Variants in TNKS observed in about 807,000 individuals in gnomAD.
The protein encoded by TNKS is tankyrase, also known as poly [ADP-ribose] polymerase tankyrase-1.
A neutral mutation model predicts 135.8 loss-of-function variants in TNKS; 72 were observed. The observed-to-expected ratio is 0.53, with a 90% confidence interval of 0.44 to 0.64. TNKS has a LOEUF of 0.64. Among genes scored for constraint, TNKS ranks in the 30% least tolerant of loss-of-function variants. The pLI, the probability that TNKS is intolerant of heterozygous loss-of-function variation, is 0.00. For synonymous variants in TNKS, 849 were observed against 649.3 expected (o/e 1.31, Z -4.68); for missense variants, 1,769 against 1,674.0 (o/e 1.06, Z -0.99).
At chr8:9,726,320 G>C (rs1014243576) in intron 12 of TNKS, among the ~76,000 whole-genome samples, 7 of 152,150 alleles carry the variant, frequency 4.6e-5, no homozygotes, top group African/African-American at 1.4e-4. Flanking sequence ...ATCCTGGAAG[G>C]TTGAGGCTAC....
intron 3 of TNKS, among the ~76,000 whole-genome samples, chr8:9,659,109 G>T (rs545422493): frequency 6.6e-6 from 1 of 152,250 alleles, no homozygotes; most frequent in African/African-American, 2.4e-5. Context: ...AGTACAAAGA[G>T]ACATAGACTC....
rs766449019 is a variant in TNKS at position 9,763,193 on chromosome 8, T to C, written c.3321T>C (p.Ile1107=). 2 of 1,607,914 alleles carry C rather than the reference T, an allele frequency of 1.2e-6. No homozygotes were observed. Among genetic ancestry groups the C allele is most frequent in the South Asian group, 2.2e-5 (2 of 89,820 alleles). ...TTCACTGTGTTAATCAGGGAACGAT[T>C]TTGCTGGATCTTGCTCCAGAAGATA... ...LTFHCVNQGT[I]LLDLAPEDKE... The change falls in exon 22 of 27, where the codon ATT becomes ATC. Residue 1107 remains isoleucine, a synonymous_variant. Transcript: ENST00000310430.
chr8:9,749,297 C>T (rs1329956552), intron 18 of TNKS, among the ~76,000 whole-genome samples: 1 of 152,132 alleles, frequency 6.6e-6, no homozygotes, highest in Admixed American at 6.6e-5. Flanking sequence ...GCTCCCCCCA[C>T]CAACAGGGGG....
Position 9,735,047 on chromosome 8 carries a change from C to T in TNKS, c.2496C>T (p.Asp832=). The T allele has an allele frequency of 1.2e-6, 2 of 1,614,152 alleles. No homozygotes were observed. Among genetic ancestry groups the T allele is most frequent in the South Asian group, 2.2e-5 (2 of 91,078 alleles). The change falls in exon 16 of 27, where the codon GAC becomes GAT. Residue 832 remains aspartate, a synonymous_variant. Transcript: ENST00000310430. The part of the protein sequence containing the change: ...LCTPENINCR[D]TQGRNSTPLH... ...CCCCAGAGAATATCAACTGCAGAGA[C>T]ACCCAGGGCAGAAATTCAACCCCTC...
intron 2 of TNKS, among the ~76,000 whole-genome samples, chr8:9,587,121 G>C (rs193240732): frequency 2.1e-4 from 32 of 152,024 alleles, no homozygotes; most frequent in African/African-American, 6.5e-4. Flanking sequence ...ATGGAATTTT[G>C]GTTGCTAATC....
rs1295732798 is a variant in TNKS at position 9,782,041 on chromosome 8, A to G, written c.*5305A>G. 2 of 152,318 alleles carry G rather than the reference A, an allele frequency of 1.3e-5. No individual in the cohort carries two copies. Among genetic ancestry groups the G allele is most frequent in the Non-Finnish European group, 2.9e-5 (2 of 68,050 alleles). The allele number at this position is 152,318 out of a possible 1,614,324, so 9.4% of individuals were successfully genotyped here. ...GTCTGAAATTCAAATTTAACTGAGCATGCTGGTTTTTCTCATTGTTTGGTT... is the reference window on the plus strand; with the variant it reads ...GTCTGAAATTCAAATTTAACTGAGCGTGCTGGTTTTTCTCATTGTTTGGTT... On this transcript the variant is annotated 3_prime_UTR_variant, in exon 27 of 27. Transcript: ENST00000310430.
chr8:9,749,371 A>C (rs1332259289), intron 18 of TNKS, among the ~76,000 whole-genome samples: 1 of 152,214 alleles, frequency 6.6e-6, no homozygotes, highest in East Asian at 1.9e-4. Flanking sequence ...TATCAGGGCC[A>C]TCTACTCTGG....
At chr8:9,634,876 T>C (rs1388657147) in intron 3 of TNKS, among the ~76,000 whole-genome samples, 2 of 152,132 alleles carry the variant, frequency 1.3e-5, no homozygotes, top group Non-Finnish European at 2.9e-5. Flanking sequence ...TCTTCTGTGC[T>C]AGAAAGTAAT....
In TNKS at chr8:9,766,162, C is replaced by T. The variant is rs190088403; in HGVS notation, c.3554-77C>T. ...ATTCATTTCTTAATATTAACCTGCC[C>T]GATGCAAATAGTGTGCAGGTAATTG... is the stretch of plus-strand genomic sequence containing the variant. On this transcript the variant is annotated intron_variant, in intron 24 of 26. Coordinates refer to ENST00000310430, the MANE Select transcript of TNKS (RefSeq NM_003747.3). The T allele has an allele frequency of 9.6e-5, 119 of 1,245,886 alleles. 1 individual carries two copies. The highest frequency in any genetic ancestry group is 1.2e-4 in the Non-Finnish European group (110 of 895,844). The allele number at this position is 1,245,886 out of a possible 1,614,324, so 77.2% of individuals were successfully genotyped here. A position where few individuals can be genotyped will look rare whatever the true frequency, so the allele number is the denominator to read the frequency against.
intron 3 of TNKS, among the ~76,000 whole-genome samples, chr8:9,627,281 A>C (rs1800095330): frequency 6.6e-6 from 1 of 152,180 alleles, no homozygotes. Context: ...ATAAACCAGT[A>C]AATGTAAGTA....
chr8:9,668,923 A>T (rs1176084332), intron 3 of TNKS, among the ~76,000 whole-genome samples: 3 of 152,148 alleles, frequency 2.0e-5, no homozygotes, highest in East Asian at 1.9e-4. Flanking sequence ...TTTGTAAGAC[A>T]GGTATGGGGA....
intron 26 of TNKS, among the ~76,000 whole-genome samples, chr8:9,772,793 ATGTGTGTG>A (rs139275418): frequency 5.9e-4 from 73 of 123,754 alleles, no homozygotes; most frequent in Non-Finnish European, 1.1e-3. Flanking sequence ...TTTGGGGAGA[ATGTGTGTG>A]TGTGTGTTTG....
At chr8:9,584,525 C>A (rs62493905) in intron 2 of TNKS, among the ~76,000 whole-genome samples, 18,422 of 152,166 alleles carry the variant, frequency 0.12, 1,341 homozygotes, top group Admixed American at 0.22. Flanking sequence ...CTACTCTTAG[C>A]TCTACAGCTT....
At chr8:9,698,397 A>C (rs10903317) in intron 5 of TNKS, among the ~76,000 whole-genome samples, 85,156 of 135,582 alleles carry the variant, frequency 0.63, 28,109 homozygotes, top group Middle Eastern at 0.72. Context: ...AAAAAGCTTA[A>C]GTATATAAGC....
intron 20 of TNKS, among the ~76,000 whole-genome samples, chr8:9,761,255 T>C (rs1807133729): frequency 6.6e-6 from 1 of 152,194 alleles, no homozygotes; most frequent in South Asian, 2.1e-4. Flanking sequence ...ATAGTGATGA[T>C]CATTTTGTAT....
chr8:9,723,542 A>C (rs569696423), intron 12 of TNKS, among the ~76,000 whole-genome samples: 1 of 152,204 alleles, frequency 6.6e-6, no homozygotes, highest in Non-Finnish European at 1.5e-5. Context: ...AACTAACATC[A>C]ATGTAAAGAA....
intron 5 of TNKS, among the ~76,000 whole-genome samples, chr8:9,698,374 G>A (rs866255462): frequency 0.011 from 1,054 of 98,356 alleles, no homozygotes; most frequent in East Asian, 0.014. Context: ...ATTTTAAAAT[G>A]AAAAAAAAAA....
At chr8:9,696,064 A>G (rs939406283) in intron 5 of TNKS, among the ~76,000 whole-genome samples, 19 of 152,270 alleles carry the variant, frequency 1.2e-4, no homozygotes, top group African/African-American at 3.9e-4. Flanking sequence ...GTAACCAGTA[A>G]CCTCCACAGT....
At chr8:9,626,313 A>G (rs904319508) in intron 3 of TNKS, among the ~76,000 whole-genome samples, 6 of 152,202 alleles carry the variant, frequency 3.9e-5, no homozygotes, top group African/African-American at 1.4e-4. Flanking sequence ...TTCCTTTTAG[A>G]TGGCATATTA....
Sources: allele counts gnomAD v4.1 joint callset (sites outside exome capture counted in the v4.1 genomes callset), GRCh38; gene constraint gnomAD v4.1.1; transcripts MANE v1.5; gene names NCBI Gene and HGNC (gene_info 2026-07-23, HGNC 2026-07-21).